ALOX5AP: variants seen among roughly 807,000 people sequenced by gnomAD.
ALOX5AP encodes arachidonate 5-lipoxygenase activating protein.
Under a neutral mutation model 18.5 loss-of-function variants are expected in ALOX5AP, and 9 were observed. The ratio of observed to expected loss-of-function variants is 0.49; its 90% CI spans 0.29 to 0.85. The LOEUF (loss-of-function observed/expected upper bound fraction) is 0.85, where lower values mean the gene tolerates loss of function less well. ALOX5AP is among the 40% of genes least tolerant of loss of function. ALOX5AP has a pLI of 0.08. For synonymous variants in ALOX5AP, 81 were observed against 78.6 expected (o/e 1.03, Z -0.16); for missense variants, 172 against 202.5 (o/e 0.85, Z 0.91).
intron 2 of ALOX5AP, among the ~76,000 whole-genome samples, chr13:30,749,885 G>A (rs1951838056): frequency 6.6e-6 from 1 of 152,092 alleles, no homozygotes; most frequent in Non-Finnish European, 1.5e-5. Context: ...TTCTCTGCAG[G>A]GCACAGATGA....
At chr13:30,737,351 G>C (rs535303454) in intron 1 of ALOX5AP, among the ~76,000 whole-genome samples, 6 of 152,334 alleles carry the variant, frequency 3.9e-5, no homozygotes, top group Admixed American at 3.3e-4. Context: ...CTCTGCCCAG[G>C]GCTTTCTCCT....
intron 1 of ALOX5AP, among the ~76,000 whole-genome samples, chr13:30,729,669 T>C (rs986281042): frequency 2.6e-5 from 4 of 151,246 alleles, no homozygotes; most frequent in Non-Finnish European, 2.9e-5. Context: ...CTCTGCCTCC[T>C]GGGTTCAAGT....
At chr13:30,742,898 C>A (rs1331718792) in intron 1 of ALOX5AP, among the ~76,000 whole-genome samples, 2 of 119,232 alleles carry the variant, frequency 1.7e-5, no homozygotes, top group Admixed American at 1.1e-4. Context: ...TATAGTCAAA[C>A]CCTCCAGACT....
chr13:30,723,556 G>T (rs376942969), intron 1 of ALOX5AP, among the ~76,000 whole-genome samples: 1 of 152,168 alleles, frequency 6.6e-6, no homozygotes, highest in African/African-American at 2.4e-5. Flanking sequence ...TGTGTAAAAA[G>T]AATGGGTGAG....
intron 1 of ALOX5AP, among the ~76,000 whole-genome samples, chr13:30,715,965 C>T (rs573233863): frequency 6.6e-6 from 1 of 152,186 alleles, no homozygotes; most frequent in African/African-American, 2.4e-5. Flanking sequence ...CAACATTTGC[C>T]TGCTCCTGCC....
upstream of ALOX5AP, among the ~76,000 whole-genome samples, chr13:30,732,937 C>T (rs186964455): frequency 6.6e-6 from 1 of 152,050 alleles, no homozygotes; most frequent in Admixed American, 6.5e-5. Context: ...GGGCAGATCA[C>T]GAGGTCAGGA....
At chr13:30,731,226 C>G (rs1216752715), upstream of ALOX5AP, among the ~76,000 whole-genome samples, 2 of 152,138 alleles carry the variant, frequency 1.3e-5, no homozygotes, top group Non-Finnish European at 2.9e-5. Flanking sequence ...TTGCCAGGTA[C>G]AAATGCAGAA....
intron 4 of ALOX5AP, among the ~76,000 whole-genome samples, chr13:30,759,708 A>C (rs1359692797): frequency 6.6e-6 from 1 of 152,170 alleles, no homozygotes. Flanking sequence ...GTATGGTGTT[A>C]CTTCACCAGA....
intron 3 of ALOX5AP, among the ~76,000 whole-genome samples, chr13:30,754,308 G>A (rs17245568): frequency 0.088 from 13,412 of 152,182 alleles, 971 homozygotes; most frequent in African/African-American, 0.2. Flanking sequence ...TATTTTGGAA[G>A]GCAGGAGGAA....
chr13:30,762,387 G>T (rs537365850), intron 4 of ALOX5AP, among the ~76,000 whole-genome samples: 2 of 151,952 alleles, frequency 1.3e-5, no homozygotes, highest in East Asian at 3.9e-4. Context: ...TCAGGAGTTC[G>T]AGACCAGCCT....
At chr13:30,713,957 GA>G in intron 1 of ALOX5AP, 1 of 1,184,338 alleles carries the variant, frequency 8.4e-7, no homozygotes, top group Non-Finnish European at 1.2e-6. Flanking sequence ...GAGGCTCCCA[GA>G]AGCAGTATTG....
chr13:30,741,853 A>G (rs200464138), intron 1 of ALOX5AP, among the ~76,000 whole-genome samples: 1 of 97,676 alleles, frequency 1.0e-5, no homozygotes, highest in East Asian at 3.1e-4. Flanking sequence ...TTTTTTTAAT[A>G]TTTTTGGTCA....
upstream of ALOX5AP, among the ~76,000 whole-genome samples, chr13:30,735,063 GC>G (rs1404745930): frequency 6.6e-6 from 1 of 152,124 alleles, no homozygotes; most frequent in Non-Finnish European, 1.5e-5. Flanking sequence ...AGGCTGGAGT[GC>G]AGTGGCATAA....
At chr13:30,744,289 A>G in intron 2 of ALOX5AP, 130 bp downstream of exon 2, 1 of 759,996 alleles carries the variant, frequency 1.3e-6, no homozygotes, top group Non-Finnish European at 2.2e-6. Flanking sequence ...GAGGTGAGGA[A>G]GGTTGGACTT....
intron 1 of ALOX5AP, among the ~76,000 whole-genome samples, chr13:30,726,807 A>G (rs143340342): frequency 0.014 from 2,068 of 152,036 alleles, 44 homozygotes; most frequent in African/African-American, 0.046. Context: ...CTGGGACTAC[A>G]GGCATGCACC....
chr13:30,727,929 A>G (rs2137794373), intron 1 of ALOX5AP, among the ~76,000 whole-genome samples: 1 of 152,290 alleles, frequency 6.6e-6, no homozygotes, highest in South Asian at 2.1e-4. Flanking sequence ...ATTCAGCACC[A>G]GCCACAGAAA....
chr13:30,749,257 A>G lies in ALOX5AP; in HGVS notation c.171-2795A>G, dbSNP rs17245519. Among the ~76,000 whole-genome samples, 1,453 of 152,290 alleles carry G rather than the reference A, an allele frequency of 9.5e-3. 13 individuals are homozygous for G. The highest frequency in any genetic ancestry group is 0.029 in the African/African-American group (1,212 of 41,546). On this transcript the variant is annotated intron_variant, in intron 2 of 4. Coordinates refer to ENST00000380490, the MANE Select transcript of ALOX5AP (RefSeq NM_001629.4). Reference sequence around the variant, plus strand: ...TTCTAATGAGCAAATCCCTTAGACAATTAAGAATTTTTTTCCTTTTGCATA... The same window carrying G: ...TTCTAATGAGCAAATCCCTTAGACAGTTAAGAATTTTTTTCCTTTTGCATA...
At chr13:30,741,560 C>G (rs868106337) in intron 1 of ALOX5AP, among the ~76,000 whole-genome samples, 18 of 84,226 alleles carry the variant, frequency 2.1e-4, no homozygotes, top group Non-Finnish European at 2.5e-4. Flanking sequence ...ACCCCCACCC[C>G]CCAACAACTG....
intron 3 of ALOX5AP, among the ~76,000 whole-genome samples, chr13:30,755,280 G>C (rs192015618): frequency 9.0e-4 from 137 of 152,316 alleles, no homozygotes; most frequent in African/African-American, 3.1e-3. Flanking sequence ...GTTCAAGAAA[G>C]GTTAAACATT....
Sources: allele counts gnomAD v4.1 joint callset (sites outside exome capture counted in the v4.1 genomes callset), GRCh38; gene constraint gnomAD v4.1.1; transcripts MANE v1.5; gene names NCBI Gene and HGNC (gene_info 2026-07-23, HGNC 2026-07-21).